Variants in DRC3 observed in about 807,000 individuals in gnomAD.
The protein encoded by DRC3 is leucine rich repeat containing 48.
Under a neutral mutation model 57.6 loss-of-function variants are expected in DRC3, and 45 were observed. The observed-to-expected ratio is 0.78, with a 90% CI of 0.62 to 1.00. DRC3 has a LOEUF of 1.00. Ranked by LOEUF, DRC3 falls within the 50% of genes least tolerant of loss-of-function variation. The pLI is 0.00. For missense variants in DRC3, 655 were observed against 675.2 expected (o/e 0.97, Z 0.33); for synonymous variants, 257 against 272.3 (o/e 0.94, Z 0.55).
intron 2 of DRC3, among the ~76,000 whole-genome samples, chr17:17,976,370 T>C (rs1055006285): frequency 6.6e-6 from 1 of 152,146 alleles, no homozygotes; most frequent in Non-Finnish European, 1.5e-5. Context: ...CAAATCCCTC[T>C]GGACCATTAG....
At position 17,993,309 on chromosome 17, in the gene DRC3, G is replaced by A. The variant is rs539949204; in HGVS notation, c.591+398G>A. 13 of 169,750 alleles carry A rather than the reference G, an allele frequency of 7.7e-5. No homozygotes were observed. The South Asian group carries it at 2.0e-3, about 26-fold the overall frequency. The allele number at this position is 169,750 out of a possible 1,614,324, so 10.5% of individuals were successfully genotyped here. ...AAGACCAGCCTGGGCAACATAGGGAGACCCCATCTCTACAGAAACTACCAA... is the reference window on the plus strand; with the variant it reads ...AAGACCAGCCTGGGCAACATAGGGAAACCCCATCTCTACAGAAACTACCAA... On this transcript the variant is annotated intron_variant, in intron 6 of 13. Transcript: ENST00000399187.
intron 10 of DRC3, chr17:18,005,081 A>T (rs2145415716): frequency 6.5e-6 from 1 of 152,976 alleles, no homozygotes; most frequent in South Asian, 2.1e-4. Flanking sequence ...CACCTCAGAC[A>T]TGGGATAGAT....
At chr17:17,979,374 C>T (rs1485052177) in intron 3 of DRC3, among the ~76,000 whole-genome samples, 2 of 151,744 alleles carry the variant, frequency 1.3e-5, no homozygotes, top group Non-Finnish European at 2.9e-5. Context: ...TTCACAGGAC[C>T]CTGCTGGCTG....
At chr17:18,005,947 C>G in intron 10 of DRC3, 1 of 516,220 alleles carries the variant, frequency 1.9e-6, no homozygotes. Flanking sequence ...TGGCAAAGTT[C>G]CGGTGACAGC....
At chr17:17,987,823 C>G in intron 4 of DRC3, 109 bp from the exon 5 acceptor site, 1 of 1,150,452 alleles carries the variant, frequency 8.7e-7, no homozygotes, top group Non-Finnish European at 1.2e-6. Context: ...CTGGCCCTGG[C>G]AGCTTGGTGC....
At chr17:17,990,453 A>C (rs2043176777) in intron 5 of DRC3, among the ~76,000 whole-genome samples, 1 of 152,200 alleles carries the variant, frequency 6.6e-6, no homozygotes, top group African/African-American at 2.4e-5. Context: ...GCCTTTGCTC[A>C]GTGCCTGGCA....
At chr17:18,012,263 G>A (rs1261468236) in intron 12 of DRC3, among the ~76,000 whole-genome samples, 1 of 152,210 alleles carries the variant, frequency 6.6e-6, no homozygotes, top group Non-Finnish European at 1.5e-5. Flanking sequence ...CTGGGGAAAA[G>A]ACAGTCTCTT....
intron 4 of DRC3, among the ~76,000 whole-genome samples, chr17:17,985,516 G>A (rs1394344318): frequency 6.6e-6 from 1 of 152,206 alleles, no homozygotes; most frequent in Non-Finnish European, 1.5e-5. Flanking sequence ...GGGGGTTAGG[G>A]AGGTGGCACT....
At position 18,016,617 on chromosome 17, in the gene DRC3, C is replaced by G; in HGVS notation, c.1518C>G (p.Ile506Met). The part of the protein sequence containing the change: ...RKRVKEINQY[I>M]DHMQSELDNL... Reference sequence around the variant, plus strand: ...GCGTGAAGGAGATCAATCAGTACATCGACCACATGCAGAGCGAACTGGACA... The same window carrying G: ...GCGTGAAGGAGATCAATCAGTACATGGACCACATGCAGAGCGAACTGGACA... Residue 506 changes from isoleucine to methionine, a missense_variant, in exon 14 of 14, where the codon ATC becomes ATG. Transcript: ENST00000399187. 6.2e-7 allele frequency: 1 copy of G among 1,613,828 alleles called. No individual in the cohort carries two copies. Among genetic ancestry groups the G allele is most frequent in the Non-Finnish European group, 8.5e-7 (1 of 1,179,814 alleles).
At chr17:17,982,084 C>T (rs888175316) in intron 3 of DRC3, among the ~76,000 whole-genome samples, 2 of 152,154 alleles carry the variant, frequency 1.3e-5, no homozygotes, top group African/African-American at 2.4e-5. Context: ...CCTCTGCCTC[C>T]TGGGTTCAAG....
At chr17:17,997,759 T>C (rs1390524536) in intron 9 of DRC3, 125 bp downstream of exon 9, 2 of 888,096 alleles carry the variant, frequency 2.3e-6, no homozygotes, top group East Asian at 6.1e-5. Flanking sequence ...CCAATGGTTA[T>C]TGTCCCCATT....
At chr17:17,981,941 G>T (rs915650436) in intron 3 of DRC3, among the ~76,000 whole-genome samples, 1 of 152,032 alleles carries the variant, frequency 6.6e-6, no homozygotes, top group South Asian at 2.1e-4. Context: ...ACCGGCCTTG[G>T]CCTCCCAAAG....
intron 9 of DRC3, among the ~76,000 whole-genome samples, chr17:18,002,697 C>T (rs1386971547): frequency 6.6e-6 from 1 of 152,168 alleles, no homozygotes; most frequent in Non-Finnish European, 1.5e-5. Flanking sequence ...CTGTACACGG[C>T]CTCTGATCCC....
chr17:17,977,555 G>A (rs753178390), intron 2 of DRC3, 27 bp from the exon 3 acceptor site: 13 of 1,613,120 alleles, frequency 8.1e-6, no homozygotes, highest in Middle Eastern at 1.6e-4. Flanking sequence ...GAAGCAGGCC[G>A]TGAAGGAAGA....
In DRC3 at chr17:18,016,602, GATCA is replaced by G; in HGVS notation, c.1508_1511del (p.Asn503SerfsTer19). 1.2e-6 allele frequency: 2 copies of G among 1,613,940 alleles called. No homozygotes were observed. The highest frequency in any genetic ancestry group is 1.7e-6 in the Non-Finnish European group (2 of 1,179,872). ...TGAGGAACCGCAAGCGCGTGAAGGA[GATCA>G]ATCAGTACATCGACCACATGCAGAG... is the stretch of plus-strand genomic sequence containing the variant. On this transcript the variant is annotated frameshift_variant, in exon 14 of 14. Coordinates refer to ENST00000399187, the MANE Select transcript of DRC3 (RefSeq NM_031294.4). LOFTEE classifies it high-confidence loss of function.
Position 18,004,415 on chromosome 17 carries a change from T to A in DRC3, c.1052T>A (p.Ile351Asn). ...ELELPNIEKM[I>N]LECSADISEL... ...GAACTGCCCAACATTGAGAAGATGA[T>A]CCTAGAATGCAGTGCTGACATCAGT... Residue 351 changes from isoleucine to asparagine, a missense_variant, in exon 10 of 14, where the codon ATC (isoleucine) becomes AAC (asparagine). Physicochemically the swap from Ile to Asn is moderately radical, Grantham distance 149. Transcript: ENST00000399187. The A allele has an allele frequency of 6.2e-7, 1 of 1,609,182 alleles. No homozygotes were observed. Among genetic ancestry groups the A allele is most frequent in the Admixed American group, 1.7e-5 (1 of 59,332 alleles).
intron 12 of DRC3, chr17:18,010,992 T>G: frequency 4.3e-6 from 1 of 234,606 alleles, no homozygotes; most frequent in South Asian, 4.7e-5. Context: ...GAATTTTGCT[T>G]TTTTGCCCAG....
chr17:17,996,066 G>A (rs2043446800), intron 8 of DRC3, among the ~76,000 whole-genome samples: 1 of 152,206 alleles, frequency 6.6e-6, no homozygotes, highest in Admixed American at 6.5e-5. Flanking sequence ...TGTTGCCCAG[G>A]CTGGAGTGCA....
intron 4 of DRC3, among the ~76,000 whole-genome samples, chr17:17,986,151 A>G (rs1007434409): frequency 2.0e-5 from 3 of 152,188 alleles, no homozygotes; most frequent in African/African-American, 7.2e-5. Context: ...GCCTCAAGCA[A>G]TCCACCCGCC....
Sources: allele counts gnomAD v4.1 joint callset (sites outside exome capture counted in the v4.1 genomes callset), GRCh38; gene constraint gnomAD v4.1.1; transcripts MANE v1.5; gene names NCBI Gene and HGNC (gene_info 2026-07-23, HGNC 2026-07-21).